The following GRID2 variants were observed in gnomAD, a reference collection of about 807,000 sequenced individuals.
GRID2 encodes the protein glutamate receptor ionotropic, delta-2.
In GRID2, 33 loss-of-function variants were observed where a neutral mutation model predicts 114.8. That is an observed-to-expected ratio of 0.29 (90% CI 0.22 to 0.38). The LOEUF is 0.38. GRID2 is among the 10% of genes least tolerant of loss of function. The pLI is 1.00. For missense variants in GRID2, 1,184 were observed against 1,257.7 expected (o/e 0.94, Z 0.89); for synonymous variants, 505 against 449.9 (o/e 1.12, Z -1.55).
At chr4:93,766,297 G>T (rs972181338) in intron 14 of GRID2, among the ~76,000 whole-genome samples, 4 of 152,194 alleles carry the variant, frequency 2.6e-5, no homozygotes, top group African/African-American at 9.7e-5. Flanking sequence ...TGGCTGGGGA[G>T]GCCTCAGGAA....
chr4:93,018,323 C>T (rs1484511329), intron 2 of GRID2, among the ~76,000 whole-genome samples: 1 of 151,320 alleles, frequency 6.6e-6, no homozygotes, highest in Non-Finnish European at 1.5e-5. Context: ...TCTAGGTTTG[C>T]CTTTAGTTTT....
At chr4:92,562,485 G>A (rs1579585671) in intron 1 of GRID2, among the ~76,000 whole-genome samples, 1 of 152,128 alleles carries the variant, frequency 6.6e-6, no homozygotes, top group Non-Finnish European at 1.5e-5. Context: ...TACAGTTTAT[G>A]CAAACATTGA....
chr4:93,667,053 A>G (rs1431818050), intron 14 of GRID2, among the ~76,000 whole-genome samples: 1 of 152,084 alleles, frequency 6.6e-6, no homozygotes, highest in African/African-American at 2.4e-5. Flanking sequence ...CTATGTGATG[A>G]CTTCTTTACT....
chr4:92,468,603 G>A lies in GRID2; in HGVS notation c.89-121528G>A, dbSNP rs576527622. On this transcript the variant is annotated intron_variant, in intron 1 of 15. Transcript: ENST00000282020. ...CTTGAGGAACTTACAGTATAACAGA[G>A]GGAGAAAGCCATGTAAACAAAAAAA... is the stretch of plus-strand genomic sequence containing the variant. 3.0e-4 allele frequency among the ~76,000 whole-genome samples: 46 copies of A among 152,132 alleles called. 1 individual carries two copies. Among genetic ancestry groups the A allele is most frequent in the Middle Eastern group, 6.8e-3 (2 of 292 alleles).
At chr4:92,933,741 C>T (rs1016716752) in intron 2 of GRID2, among the ~76,000 whole-genome samples, 1 of 151,580 alleles carries the variant, frequency 6.6e-6, no homozygotes, top group African/African-American at 2.4e-5. Flanking sequence ...AATACTATGG[C>T]AACCCTCCCA....
Position 93,612,167 on chromosome 4 carries a change from G to C in GRID2, c.2194-14102G>C, listed in dbSNP as rs1336056786. ...TTTTTTGTTTTCCATTGGTTTGGTA[G>C]ATCTTCCTCCATCCTTTTATTTTGA... On this transcript the variant is annotated intron_variant, in intron 13 of 15. Transcript: ENST00000282020. 1.1e-3 allele frequency among the ~76,000 whole-genome samples: 168 copies of C among 151,554 alleles called. 1 individual carries two copies. The highest frequency in any genetic ancestry group is 3.9e-3 in the African/African-American group (162 of 41,314).
At chr4:93,366,500 G>T (rs1200764856) in intron 8 of GRID2, among the ~76,000 whole-genome samples, 1 of 152,080 alleles carries the variant, frequency 6.6e-6, no homozygotes, top group Admixed American at 6.6e-5. Context: ...AATGACAATG[G>T]TGCCTGAAAC....
rs116553714 is a variant in GRID2, at chr4:92,853,189, C to T, written c.245-231806C>T. 4.1e-3 allele frequency among the ~76,000 whole-genome samples: 616 copies of T among 151,798 alleles called. 2 individuals are homozygous for T. Among genetic ancestry groups the T allele is most frequent in the Non-Finnish European group, 5.4e-3 (367 of 67,866 alleles). ...ACCTTCAGGTCCCTTATCTGTAACA[C>T]GACCATCACAAAGTATCAGAAGGAT... On this transcript the variant is annotated intron_variant, in intron 2 of 15. Transcript: ENST00000282020.
intron 12 of GRID2, among the ~76,000 whole-genome samples, chr4:93,502,707 TCC>T (rs142078875): frequency 9.6e-6 from 1 of 103,888 alleles, no homozygotes. Flanking sequence ...TCTCCTCCAC[TCC>T]CCCCCCCCAC....
At chr4:92,878,947 T>G (rs1181562699) in intron 2 of GRID2, among the ~76,000 whole-genome samples, 1 of 152,158 alleles carries the variant, frequency 6.6e-6, no homozygotes, top group Non-Finnish European at 1.5e-5. Context: ...AAAATGTTAT[T>G]TCACGTTTTG....
chr4:93,159,426 T>C (rs1737476994), intron 4 of GRID2, among the ~76,000 whole-genome samples: 2 of 151,808 alleles, frequency 1.3e-5, no homozygotes, highest in South Asian at 4.1e-4. Flanking sequence ...TTTGCTTATA[T>C]TGCAGATAGG....
chr4:93,041,859 T>C (rs1210709043), intron 2 of GRID2, among the ~76,000 whole-genome samples: 1 of 152,088 alleles, frequency 6.6e-6, no homozygotes, highest in Non-Finnish European at 1.5e-5. Flanking sequence ...TTGGCATTAC[T>C]TTAGTGACAA....
At chr4:92,315,830 G>A (rs528496531) in intron 1 of GRID2, among the ~76,000 whole-genome samples, 21 of 151,758 alleles carry the variant, frequency 1.4e-4, no homozygotes, top group African/African-American at 4.8e-4. Context: ...AATTAACTGG[G>A]CATGGTGGTG....
intron 13 of GRID2, among the ~76,000 whole-genome samples, chr4:93,601,584 C>T (rs927783056): frequency 1.3e-5 from 2 of 152,168 alleles, no homozygotes; most frequent in African/African-American, 4.8e-5. Context: ...GTAATTGAAT[C>T]TATGCAAGAT....
rs1410899927 is a variant in GRID2, at chr4:92,540,282, C to T, written c.89-49849C>T. Among the ~76,000 whole-genome samples the T allele has an allele frequency of 5.3e-5, 8 of 152,212 alleles. No homozygotes were observed. The East Asian group carries it at 1.5e-3, about 29-fold the overall frequency. The stretch of plus-strand genomic sequence containing the variant: ...CACCAAAAGCAACGGCAACAAAAGC[C>T]AAAATTGACAAATGGGATCTAATTA... On this transcript the variant is annotated intron_variant, in intron 1 of 15. Transcript: ENST00000282020.
At chr4:93,801,878 T>C (rs1734938643) in intron 1 of GRID2, among the ~76,000 whole-genome samples, 1 of 152,218 alleles carries the variant, frequency 6.6e-6, no homozygotes, top group Non-Finnish European at 1.5e-5. Flanking sequence ...TAAATTACTA[T>C]AAGGGGTTCA....
intron 14 of GRID2, among the ~76,000 whole-genome samples, chr4:93,644,288 G>A (rs1331386400): frequency 4.1e-5 from 2 of 48,222 alleles, no homozygotes; most frequent in Non-Finnish European, 8.2e-5. Context: ...CGCTCACGCT[G>A]GGAGCTGTAG....
chr4:92,497,383 T>C (rs979757840), intron 1 of GRID2, among the ~76,000 whole-genome samples: 2 of 151,784 alleles, frequency 1.3e-5, no homozygotes, highest in South Asian at 2.1e-4. Context: ...GTTGGAGAAA[T>C]CTGAAAGAAG....
chr4:93,592,662 A>C (rs1306251656), intron 13 of GRID2, among the ~76,000 whole-genome samples: 1 of 152,000 alleles, frequency 6.6e-6, no homozygotes, highest in Non-Finnish European at 1.5e-5. Context: ...TGGGGTGTTA[A>C]AGTCTCCCAC....
Sources: allele counts gnomAD v4.1 joint callset (sites outside exome capture counted in the v4.1 genomes callset), GRCh38; gene constraint gnomAD v4.1.1; transcripts MANE v1.5; gene names NCBI Gene and HGNC (gene_info 2026-07-23, HGNC 2026-07-21).